PDE1A: variants seen among roughly 807,000 people sequenced by gnomAD.
PDE1A encodes the protein dual specificity calcium/calmodulin-dependent 3',5'-cyclic nucleotide phosphodiesterase 1A.
In PDE1A, 35 loss-of-function variants were observed where a neutral mutation model predicts 61.7. The ratio of observed to expected loss-of-function variants is 0.57; its 90% CI spans 0.43 to 0.75. The LOEUF (loss-of-function observed/expected upper bound fraction) is 0.75. PDE1A is among the 30% of genes least tolerant of loss of function. The pLI is 0.00. For missense variants in PDE1A, 597 were observed against 630.6 expected, an observed-to-expected ratio of 0.95 and a Z score of 0.57; for synonymous variants, 232 against 213.2, an observed-to-expected ratio of 1.09 and a Z score of -0.77.
At chr2:182,232,623 T>C (rs1689674475) in intron 4 of PDE1A, among the ~76,000 whole-genome samples, 1 of 152,244 alleles carries the variant, frequency 6.6e-6, no homozygotes, top group South Asian at 2.1e-4. Context: ...TTAAATTCCT[T>C]GCATTTGGCC....
chr2:182,603,629 T>C, the PDE1A span, among the ~76,000 whole-genome samples: 5 of 152,184 alleles, frequency 3.3e-5, no homozygotes. Context: ...TGAAGTTTAT[T>C]AGTAGTTGCA....
At chr2:182,437,052 A>G (rs1684476469) in intron 2 of PDE1A, among the ~76,000 whole-genome samples, 1 of 151,952 alleles carries the variant, frequency 6.6e-6, no homozygotes. Flanking sequence ...CAATCTCACA[A>G]TACAAGCCTT....
intron 2 of PDE1A, among the ~76,000 whole-genome samples, chr2:182,242,923 TCTC>T (rs1690659848): frequency 2.6e-5 from 1 of 39,134 alleles, no homozygotes; most frequent in African/African-American, 1.3e-4. Flanking sequence ...TCTCTCTCTC[TCTC>T]GTGTGTGTAT....
intron 7 of PDE1A, among the ~76,000 whole-genome samples, chr2:182,210,456 C>A (rs1184291721): frequency 1.3e-5 from 2 of 152,156 alleles, no homozygotes; most frequent in Non-Finnish European, 2.9e-5. Context: ...ATCTTCCTAG[C>A]TGGAGTGACT....
intron 1 of PDE1A, among the ~76,000 whole-genome samples, chr2:182,376,277 C>T (rs180877948): frequency 6.6e-6 from 1 of 152,186 alleles, no homozygotes; most frequent in South Asian, 2.1e-4. Flanking sequence ...AAATTGAATG[C>T]CTTTAACAGC....
chr2:182,425,898 A>T (rs1345599462), intron 1 of PDE1A, among the ~76,000 whole-genome samples: 2 of 152,230 alleles, frequency 1.3e-5, no homozygotes, highest in East Asian at 1.9e-4. Context: ...TTTAAATTCT[A>T]AAGTACATAA....
the PDE1A span, among the ~76,000 whole-genome samples, chr2:182,620,536 G>C: frequency 4.6e-5 from 7 of 152,202 alleles, no homozygotes; most frequent in Middle Eastern, 3.4e-3. Context: ...GTAAGAACAA[G>C]GATTTGAAAA....
intron 1 of PDE1A, among the ~76,000 whole-genome samples, chr2:182,265,795 TAC>T (rs1402350171): frequency 1.4e-4 from 21 of 152,264 alleles, no homozygotes; most frequent in African/African-American, 3.9e-4. Context: ...CTCTCCATAC[TAC>T]AGATAAGCAA....
chr2:182,340,561 A>G (rs1698120189), intron 1 of PDE1A, among the ~76,000 whole-genome samples: 1 of 152,202 alleles, frequency 6.6e-6, no homozygotes, highest in Non-Finnish European at 1.5e-5. Context: ...CTAGCCCTTA[A>G]CTACATGTAG....
the PDE1A span, among the ~76,000 whole-genome samples, chr2:182,693,688 C>A: frequency 6.7e-6 from 1 of 149,950 alleles, no homozygotes; most frequent in Non-Finnish European, 1.5e-5. Flanking sequence ...ACACTGTTGC[C>A]CAGGTTGGAG....
the PDE1A span, among the ~76,000 whole-genome samples, chr2:182,534,706 C>T: frequency 4.0e-5 from 6 of 151,404 alleles, no homozygotes; most frequent in Non-Finnish European, 7.4e-5. Flanking sequence ...TTTGGCCTAT[C>T]ATGTATGATG....
At chr2:182,336,665 G>A (rs1697838611) in intron 1 of PDE1A, among the ~76,000 whole-genome samples, 1 of 152,112 alleles carries the variant, frequency 6.6e-6, no homozygotes, top group Non-Finnish European at 1.5e-5. Flanking sequence ...AATACCTAAT[G>A]TAGATGATGG....
intron 3 of PDE1A, among the ~76,000 whole-genome samples, chr2:182,238,778 T>C (rs1467529573): frequency 6.6e-6 from 1 of 152,224 alleles, no homozygotes; most frequent in African/African-American, 2.4e-5. Context: ...ACTAAATGTG[T>C]TTTATGTAAC....
At chr2:182,178,620 T>A (rs965872982) in intron 13 of PDE1A, among the ~76,000 whole-genome samples, 1 of 152,052 alleles carries the variant, frequency 6.6e-6, no homozygotes, top group African/African-American at 2.4e-5. Flanking sequence ...TGTTCCCTTA[T>A]CCAGCATTCT....
In PDE1A at chr2:182,258,168, GA is replaced by G. The variant is rs370306747; in HGVS notation, c.167+6132del. ...AGGCGACAGTATGAGACTCCATCTCGAAAAAAAAAAGAAAAGAAAAAAAGAA... is the reference window on the plus strand; with the variant it reads ...AGGCGACAGTATGAGACTCCATCTCGAAAAAAAAAGAAAAGAAAAAAAGAA... On this transcript the variant is annotated intron_variant, in intron 2 of 13. Coordinates refer to ENST00000351439, the Ensembl canonical transcript of PDE1A. Among the ~76,000 whole-genome samples the G allele has an allele frequency of 2.1e-4, 30 of 139,602 alleles. No individual in the cohort carries two copies. In the East Asian group the frequency reaches 3.1e-3, roughly 14 times the overall value. The allele number at this position is 139,602 out of a possible 152,430, so 91.6% of individuals were successfully genotyped here. A position where few individuals can be genotyped will look rare whatever the true frequency, so the allele number is the denominator to read the frequency against.
At chr2:182,200,449 T>C (rs971709747) in intron 10 of PDE1A, among the ~76,000 whole-genome samples, 1 of 152,138 alleles carries the variant, frequency 6.6e-6, no homozygotes, top group African/African-American at 2.4e-5. Context: ...ATAAATACTC[T>C]GGACAGGAAA....
chr2:182,401,896 C>T (rs932769870), intron 1 of PDE1A, among the ~76,000 whole-genome samples: 1 of 151,982 alleles, frequency 6.6e-6, no homozygotes, highest in African/African-American at 2.4e-5. Context: ...AAACAGAGAG[C>T]CAAATCATGA....
downstream of PDE1A, among the ~76,000 whole-genome samples, chr2:182,166,267 A>G (rs957709031): frequency 6.6e-6 from 1 of 152,140 alleles, no homozygotes; most frequent in African/African-American, 2.4e-5. Context: ...CTGAGAGAGA[A>G]AAAGACCTAC....
At chr2:182,273,671 GA>G (rs1413128608) in intron 1 of PDE1A, among the ~76,000 whole-genome samples, 1 of 151,880 alleles carries the variant, frequency 6.6e-6, no homozygotes, top group Non-Finnish European at 1.5e-5. Flanking sequence ...TCAGAGGAAA[GA>G]AAAAAGTGTG....
Sources: gnomAD v4.1 joint callset for allele counts (sites outside exome capture counted in the v4.1 genomes callset) on GRCh38, gnomAD v4.1.1 for gene constraint, MANE v1.5 for transcripts, NCBI Gene and HGNC (gene_info 2026-07-23, HGNC 2026-07-21) for gene names.